The following CSMD2 variants were observed in gnomAD, a reference collection of about 807,000 sequenced individuals.
The protein encoded by CSMD2 is CUB and sushi domain-containing protein 2.
CSMD2 carries 130 observed loss-of-function variants against 398.5 expected under a neutral mutation model. The ratio of observed to expected loss-of-function variants is 0.33; its 90% CI spans 0.28 to 0.38. The LOEUF (loss-of-function observed/expected upper bound fraction) is 0.38, where lower values mean the gene tolerates loss of function less well. Among genes scored for constraint, CSMD2 ranks in the 10% least tolerant of loss-of-function variants. The pLI, the probability that CSMD2 is intolerant of heterozygous loss-of-function variation, is 1.00. For synonymous variants in CSMD2, 1,828 were observed against 1,908.5 expected (o/e 0.96, Z 1.10); for missense variants, 3,829 against 4,764.9 (o/e 0.80, Z 5.78).
intron 19 of CSMD2, among the ~76,000 whole-genome samples, chr1:33,717,815 G>C (rs1053433741): frequency 2.0e-5 from 3 of 151,952 alleles, no homozygotes; most frequent in African/African-American, 7.3e-5. Context: ...TGGAGCGATG[G>C]GGGAGATGGT....
At chr1:33,988,762 A>G (rs978682249) in intron 3 of CSMD2, among the ~76,000 whole-genome samples, 3 of 151,998 alleles carry the variant, frequency 2.0e-5, no homozygotes, top group African/African-American at 7.2e-5. Context: ...TAGGGAATCA[A>G]TCATGTTGTA....
rs1265956965 is a variant in CSMD2, at chr1:34,032,591, T to C, written c.517+3A>G. 6.0e-5 allele frequency: 94 copies of C among 1,572,982 alleles called. No individual in the cohort carries two copies. The highest frequency in any genetic ancestry group is 1.2e-4 in the East Asian group (5 of 43,396). ...TCCTGTGGCCGATGAGGGAGGCACT[T>C]ACCTTCATAGGTGGCGTGGAAGCCT... On this transcript the variant is annotated splice_donor_region_variant and intron_variant, in intron 3 of 70. Coordinates refer to ENST00000373381, the MANE Select transcript of CSMD2 (RefSeq NM_001281956.2).
At chr1:34,026,465 CAAAG>C (rs1377006346) in intron 3 of CSMD2, among the ~76,000 whole-genome samples, 1 of 152,170 alleles carries the variant, frequency 6.6e-6, no homozygotes, top group Non-Finnish European at 1.5e-5. Context: ...CTTAGCTAAA[CAAAG>C]AAATACCTGT....
chr1:33,559,148 G>A lies in CSMD2; in HGVS notation c.8554+152C>T, dbSNP rs541840297. Among the ~76,000 whole-genome samples, 1 of 152,326 alleles carries A rather than the reference G, an allele frequency of 6.6e-6. No homozygotes were observed. The highest frequency in any genetic ancestry group is 2.1e-4 in the South Asian group (1 of 4,820). Reference sequence around the variant, plus strand: ...ATGTGGCTCTTTATCTAAGGGTTGAGAAAGTCCTCATTTATGACCCTTCTC... The same window carrying A: ...ATGTGGCTCTTTATCTAAGGGTTGAAAAAGTCCTCATTTATGACCCTTCTC... On this transcript the variant is annotated intron_variant, in intron 54 of 70. Transcript: ENST00000373381. The surrounding 1 kb of genome is among the most constrained non-coding windows in gnomAD (Gnocchi z 4.0).
In CSMD2 at chr1:33,723,457, C is replaced by T. The variant is rs77741761; in HGVS notation, c.3001+740G>A. ...CAAATCTGCCTGGTTACTGCTGATG[C>T]CCAGCCCCAGTGTCAGCCACATGGG... is the stretch of plus-strand genomic sequence containing the variant. On this transcript the variant is annotated intron_variant, in intron 19 of 70. Transcript: ENST00000373381. 2.3e-3 allele frequency among the ~76,000 whole-genome samples: 349 copies of T among 152,328 alleles called. 2 individuals carry two copies. The highest frequency in any genetic ancestry group is 7.8e-3 in the African/African-American group (323 of 41,574).
intron 15 of CSMD2, among the ~76,000 whole-genome samples, chr1:33,732,198 G>T (rs1319042357): frequency 6.6e-6 from 1 of 152,200 alleles, no homozygotes; most frequent in Non-Finnish European, 1.5e-5. Context: ...GAAGAGCTCA[G>T]CAATAAGACA....
At chr1:33,762,843 C>T (rs1650000124) in intron 13 of CSMD2, among the ~76,000 whole-genome samples, 1 of 152,188 alleles carries the variant, frequency 6.6e-6, no homozygotes, top group African/African-American at 2.4e-5. Context: ...TCATCACTTG[C>T]CCGGTGCTGA....
chr1:33,691,946 A>G (rs1645256035), intron 25 of CSMD2, among the ~76,000 whole-genome samples: 1 of 151,922 alleles, frequency 6.6e-6, no homozygotes, highest in Admixed American at 6.5e-5. Context: ...AACTCACCTG[A>G]GCCATGGCTC....
intron 13 of CSMD2, among the ~76,000 whole-genome samples, chr1:33,764,990 A>C (rs1650306209): frequency 6.6e-6 from 1 of 152,248 alleles, no homozygotes; most frequent in Non-Finnish European, 1.5e-5. Flanking sequence ...ATTTAAGAAT[A>C]AAGGTGACAA....
intron 5 of CSMD2, among the ~76,000 whole-genome samples, chr1:33,889,626 A>G (rs1021513957): frequency 2.0e-5 from 3 of 151,536 alleles, no homozygotes; most frequent in African/African-American, 4.9e-5. Context: ...TGCAATTATT[A>G]GGGAAATTGT....
In CSMD2 at chr1:33,571,721, T is replaced by G. The variant is rs1227584814; in HGVS notation, c.7768A>C (p.Thr2590Pro). Residue 2590 changes from threonine to proline, a missense_variant, in exon 51 of 71, where the codon ACT becomes CCT. Transcript: ENST00000373381. The stretch of plus-strand genomic sequence containing the variant: ...CTGATGCTACTGACATCAGGACAAG[T>G]CACAGCTGGGGAAATGAGGAAAAGA... ...RNVPPQCVPVTCPDVSSISVE... is the reference protein window; with the variant it reads ...RNVPPQCVPVPCPDVSSISVE... 1.3e-6 allele frequency: 2 copies of G among 1,484,380 alleles called. No individual in the cohort carries two copies. The highest frequency in any genetic ancestry group is 2.8e-5 in the African/African-American group (2 of 72,110). 92.0% of individuals were successfully genotyped at this position (1,484,380 alleles called of 1,614,324 possible). A position where few individuals can be genotyped will look rare whatever the true frequency, so the allele number is the denominator to read the frequency against.
At chr1:33,596,310 A>G (rs1479964166) in intron 44 of CSMD2, among the ~76,000 whole-genome samples, 2 of 151,864 alleles carry the variant, frequency 1.3e-5, no homozygotes, top group African/African-American at 2.4e-5. Context: ...CAGAGCTCTG[A>G]CACCCTGTGC....
At chr1:33,552,455 A>G (rs1657549821) in intron 55 of CSMD2, among the ~76,000 whole-genome samples, 1 of 152,252 alleles carries the variant, frequency 6.6e-6, no homozygotes, top group Non-Finnish European at 1.5e-5. Flanking sequence ...TTATACACAA[A>G]TGTTCAAACC....
intron 1 of CSMD2, among the ~76,000 whole-genome samples, chr1:34,120,164 A>G (rs907831882): frequency 6.6e-6 from 1 of 152,242 alleles, no homozygotes; most frequent in Non-Finnish European, 1.5e-5. Flanking sequence ...AGTGCAATAA[A>G]CCAACAATAA....
intron 10 of CSMD2, among the ~76,000 whole-genome samples, chr1:33,794,157 A>G (rs558463168): frequency 1.3e-5 from 2 of 152,316 alleles, no homozygotes; most frequent in East Asian, 3.9e-4. Context: ...GACCCTGCAG[A>G]GCCTTACCCC....
chr1:33,967,519 G>A (rs899838718), intron 3 of CSMD2, among the ~76,000 whole-genome samples: 3 of 152,066 alleles, frequency 2.0e-5, no homozygotes, highest in Admixed American at 2.0e-4. Flanking sequence ...CTTTATCTCC[G>A]TAGTGATCCA....
intron 5 of CSMD2, among the ~76,000 whole-genome samples, chr1:33,902,952 C>T (rs922150535): frequency 1.2e-4 from 18 of 152,150 alleles, no homozygotes; most frequent in African/African-American, 4.1e-4. Flanking sequence ...CCAGGGTGGG[C>T]AAGCAGACAG....
At chr1:34,113,684 C>G (rs11807281) in intron 1 of CSMD2, among the ~76,000 whole-genome samples, 1 of 152,142 alleles carries the variant, frequency 6.6e-6, no homozygotes, top group African/African-American at 2.4e-5. Flanking sequence ...TTCTGCCCCA[C>G]AGAAACACTG....
intron 29 of CSMD2, among the ~76,000 whole-genome samples, chr1:33,645,183 G>T (rs1643347597): frequency 6.6e-6 from 1 of 152,112 alleles, no homozygotes; most frequent in African/African-American, 2.4e-5. Flanking sequence ...TGTTATGCAA[G>T]TGGGGAACAT....
Sources: allele counts gnomAD v4.1 joint callset (sites outside exome capture counted in the v4.1 genomes callset), GRCh38; gene constraint gnomAD v4.1.1; non-coding constraint Gnocchi (gnomAD v3.1); transcripts MANE v1.5; gene names NCBI Gene and HGNC (gene_info 2026-07-23, HGNC 2026-07-21).